The following CSMD1 variants were observed in gnomAD, a reference collection of about 807,000 sequenced individuals.
The protein encoded by CSMD1 is CUB and sushi domain-containing protein 1.
A neutral mutation model predicts 417.5 loss-of-function variants in CSMD1; 213 were observed. The ratio of observed to expected loss-of-function variants is 0.51; its 90% CI spans 0.46 to 0.57. CSMD1 has a LOEUF of 0.57. CSMD1 is among the 20% of genes least tolerant of loss of function. CSMD1 has a pLI of 0.00. For synonymous variants in CSMD1, 2,862 were observed against 1,736.8 expected (o/e 1.65, Z -16.11); for missense variants, 6,923 against 4,529.7 (o/e 1.53, Z -15.17).
At chr8:4,155,284 G>T (rs1796771998) in intron 3 of CSMD1, among the ~76,000 whole-genome samples, 1 of 152,154 alleles carries the variant, frequency 6.6e-6, no homozygotes, top group South Asian at 2.1e-4. Context: ...GTGAATTAGG[G>T]GGTGGAGCAG....
At chr8:4,064,811 G>C (rs1425701271) in intron 3 of CSMD1, among the ~76,000 whole-genome samples, 1 of 152,024 alleles carries the variant, frequency 6.6e-6, no homozygotes, top group Non-Finnish European at 1.5e-5. Context: ...CGGTGATCTT[G>C]TTATTTATAT....
intron 2 of CSMD1, among the ~76,000 whole-genome samples, chr8:4,590,937 C>T (rs1166356851): frequency 6.6e-6 from 1 of 152,196 alleles, no homozygotes; most frequent in East Asian, 1.9e-4. Context: ...CTGAGCTCTG[C>T]TGAGTTGGTG....
At chr8:3,464,905 T>C (rs1816712050) in intron 12 of CSMD1, among the ~76,000 whole-genome samples, 1 of 152,212 alleles carries the variant, frequency 6.6e-6, no homozygotes, top group Admixed American at 6.5e-5. Flanking sequence ...GAGCTCTCTT[T>C]GTTTTTTAAA....
chr8:4,637,962 G>A (rs982561443), intron 1 of CSMD1, among the ~76,000 whole-genome samples: 5 of 152,182 alleles, frequency 3.3e-5, no homozygotes, highest in African/African-American at 2.4e-5. Flanking sequence ...GAGCCACCGC[G>A]CCCGGCCTAG....
At position 4,066,563 on chromosome 8, in the gene CSMD1, A is replaced by C. The variant is rs2130761320; in HGVS notation, c.416-34464T>G. ...GAAATTTTACCATTAAAGACTTGTT[A>C]CATGATGTGGTAATTGTAGTTCACG... On this transcript the variant is annotated intron_variant, in intron 3 of 69. Transcript: ENST00000635120. 3.9e-5 allele frequency among the ~76,000 whole-genome samples: 6 copies of C among 152,340 alleles called. No individual in the cohort carries two copies. The South Asian group carries it at 1.2e-3, about 32-fold the overall frequency.
intron 3 of CSMD1, among the ~76,000 whole-genome samples, chr8:4,182,892 G>C (rs542179741): frequency 9.5e-4 from 144 of 152,280 alleles, no homozygotes; most frequent in African/African-American, 3.4e-3. Context: ...CTGTATGTTT[G>C]AATGGGAGAA....
chr8:3,878,176 G>C (rs1490938261), intron 5 of CSMD1, among the ~76,000 whole-genome samples: 4 of 152,020 alleles, frequency 2.6e-5, no homozygotes, highest in African/African-American at 4.8e-5. Flanking sequence ...GATTCAAATG[G>C]AGAATTCCAA....
Position 4,890,221 on chromosome 8 carries a change from G to A in CSMD1, c.85+104111C>T, listed in dbSNP as rs141451848. ...CATAAACACACTTGATCTTGGCTCA[G>A]GCTGGAAGAAGACTGAAGCAGCACG... On this transcript the variant is annotated intron_variant, in intron 1 of 69. Transcript: ENST00000635120. Among the ~76,000 whole-genome samples the A allele has an allele frequency of 1.6e-4, 24 of 152,220 alleles. No individual in the cohort carries two copies. In the East Asian group the frequency reaches 4.6e-3, roughly 29 times the overall value.
chr8:3,850,009 TG>T (rs1295668085), intron 5 of CSMD1, among the ~76,000 whole-genome samples: 1 of 151,988 alleles, frequency 6.6e-6, no homozygotes, highest in East Asian at 1.9e-4. Flanking sequence ...TTCACGATGT[TG>T]GTCTCAAACT....
intron 3 of CSMD1, among the ~76,000 whole-genome samples, chr8:4,038,862 C>G (rs1797747572): frequency 6.6e-6 from 1 of 152,188 alleles, no homozygotes; most frequent in Non-Finnish European, 1.5e-5. Context: ...GGGCTTGAAA[C>G]TTGAAACATA....
chr8:4,268,622 T>A (rs1804373042), intron 3 of CSMD1, among the ~76,000 whole-genome samples: 1 of 152,130 alleles, frequency 6.6e-6, no homozygotes, highest in Admixed American at 6.6e-5. Context: ...GGGATTACAG[T>A]CAAGTTCACA....
intron 5 of CSMD1, among the ~76,000 whole-genome samples, chr8:3,889,487 ATAT>A (rs1563181299): frequency 9.9e-5 from 11 of 111,022 alleles, no homozygotes; most frequent in African/African-American, 3.8e-4. Context: ...ATATATATAT[ATAT>A]ATAAAATATG....
At chr8:3,491,280 GT>G (rs1252779480) in intron 11 of CSMD1, among the ~76,000 whole-genome samples, 1 of 152,156 alleles carries the variant, frequency 6.6e-6, no homozygotes, top group African/African-American at 2.4e-5. Context: ...TGTACACTAG[GT>G]TTGTGAACTG....
chr8:4,816,216 G>T (rs984182219), intron 1 of CSMD1, among the ~76,000 whole-genome samples: 1 of 151,546 alleles, frequency 6.6e-6, no homozygotes, highest in Non-Finnish European at 1.5e-5. Context: ...ACAGAGTCTC[G>T]CTCTGTTGCC....
chr8:3,800,750 G>A (rs943060937), intron 5 of CSMD1, among the ~76,000 whole-genome samples: 3 of 152,046 alleles, frequency 2.0e-5, no homozygotes, highest in Non-Finnish European at 4.4e-5. Flanking sequence ...TTTTGTTGAG[G>A]TAGTTTGTTT....
In CSMD1 at chr8:3,400,989, CTTG is replaced by C. The variant is rs1274833386; in HGVS notation, c.2267-1463_2267-1461del. On this transcript the variant is annotated intron_variant, in intron 15 of 69. Transcript: ENST00000635120. ...TATACTTATTAATATTTTAATTTTT[CTTG>C]TTAATTTCTTAAATTCACATTTGCA... Among the ~76,000 whole-genome samples the C allele has an allele frequency of 6.6e-5, 10 of 151,506 alleles. No homozygotes were observed. The East Asian group carries it at 1.4e-3, about 20-fold the overall frequency.
rs763782635 is a variant in CSMD1 at position 3,108,736 on chromosome 8, A to C, written c.6621T>G (p.Asp2207Glu). The C allele has an allele frequency of 6.2e-7, 1 of 1,613,108 alleles. No homozygotes were observed. The highest frequency in any genetic ancestry group is 1.3e-5 in the African/African-American group (1 of 75,028). Residue 2207 changes from aspartate to glutamate, a missense_variant, in exon 44 of 70, where the codon GAT becomes GAG. Transcript: ENST00000635120. ...AAACTCCCAGCTGGGGTGAGTTCTG[A>C]TCGGGACCGTCCCTAGGAAAGACAG... ...NDYIAVWDGPDQNSPQLGVFS... is the reference protein window; with the variant it reads ...NDYIAVWDGPEQNSPQLGVFS...
chr8:4,140,639 G>A (rs556567519), intron 3 of CSMD1, among the ~76,000 whole-genome samples: 11 of 151,008 alleles, frequency 7.3e-5, no homozygotes, highest in Non-Finnish European at 1.2e-4. Flanking sequence ...CTGCACTCCA[G>A]GCTGGGCAAC....
At chr8:4,730,352 T>G (rs1809762962) in intron 1 of CSMD1, among the ~76,000 whole-genome samples, 1 of 152,136 alleles carries the variant, frequency 6.6e-6, no homozygotes. Flanking sequence ...AGAAAGCCCT[T>G]GAAAGATGAA....
Sources: allele counts gnomAD v4.1 joint callset (sites outside exome capture counted in the v4.1 genomes callset), GRCh38; gene constraint gnomAD v4.1.1; transcripts MANE v1.5; gene names NCBI Gene and HGNC (gene_info 2026-07-23, HGNC 2026-07-21).